CNBD1: variants seen among roughly 807,000 people sequenced by gnomAD.
CNBD1 encodes cyclic nucleotide-binding domain-containing protein 1.
CNBD1 carries 71 observed loss-of-function variants against 54.4 expected under a neutral mutation model. That is an observed-to-expected ratio of 1.30 (90% CI 1.08 to 1.59). CNBD1 has a LOEUF of 1.59. Among genes scored for constraint, CNBD1 ranks in the 40% most tolerant of loss-of-function variants. The probability of loss-of-function intolerance (pLI) is 0.00; values close to 1 mark genes in which losing one functional copy is unlikely to be tolerated. For synonymous variants in CNBD1, 182 were observed against 170.7 expected (o/e 1.07, Z -0.51); for missense variants, 659 against 518.0 (o/e 1.27, Z -2.64).
chr8:86,960,065 T>G (rs916886078), intron 4 of CNBD1, among the ~76,000 whole-genome samples: 1 of 152,160 alleles, frequency 6.6e-6, no homozygotes, highest in Non-Finnish European at 1.5e-5. Flanking sequence ...CAGCTCCCAG[T>G]GTAAGCAATG....
chr8:87,298,583 C>T (rs188051819), intron 8 of CNBD1, among the ~76,000 whole-genome samples: 20 of 150,076 alleles, frequency 1.3e-4, no homozygotes, highest in Admixed American at 9.4e-4. Context: ...CTCCCGGGTT[C>T]AAGTCATTAT....
intron 10 of CNBD1, among the ~76,000 whole-genome samples, chr8:87,366,746 T>A (rs1241940377): frequency 6.6e-6 from 1 of 152,020 alleles, no homozygotes; most frequent in Non-Finnish European, 1.5e-5. Context: ...TCCACTGCCA[T>A]CCCTAAGCTT....
At chr8:86,931,528 G>A (rs531852478) in intron 3 of CNBD1, among the ~76,000 whole-genome samples, 7 of 152,200 alleles carry the variant, frequency 4.6e-5, no homozygotes, top group Admixed American at 1.3e-4. Flanking sequence ...GCCCTACTAG[G>A]TGATTGGCCT....
chr8:87,046,355 C>A (rs534284256), intron 4 of CNBD1, among the ~76,000 whole-genome samples: 1 of 152,254 alleles, frequency 6.6e-6, no homozygotes, highest in Admixed American at 6.5e-5. Flanking sequence ...TCAGTTAGAT[C>A]TCCATACCAT....
At chr8:87,020,411 C>A (rs182471545) in intron 4 of CNBD1, among the ~76,000 whole-genome samples, 4 of 152,228 alleles carry the variant, frequency 2.6e-5, no homozygotes, top group African/African-American at 4.8e-5. Flanking sequence ...AAATCAAACA[C>A]CCCTAGGAAT....
At chr8:87,069,226 G>A (rs1810714058) in intron 4 of CNBD1, among the ~76,000 whole-genome samples, 2 of 151,940 alleles carry the variant, frequency 1.3e-5, no homozygotes, top group Non-Finnish European at 2.9e-5. Flanking sequence ...TGCCTCTGCT[G>A]TTGTTACTGT....
chr8:87,178,901 G>A (rs991247810), intron 4 of CNBD1, among the ~76,000 whole-genome samples: 2 of 151,630 alleles, frequency 1.3e-5, no homozygotes, highest in African/African-American at 4.9e-5. Context: ...AATAGCTTTT[G>A]CTTGTTTGTT....
intron 6 of CNBD1, among the ~76,000 whole-genome samples, chr8:87,281,507 AT>A (rs1413761989): frequency 7.4e-6 from 1 of 135,072 alleles, no homozygotes; most frequent in Non-Finnish European, 1.6e-5. Context: ...ACTATCTACT[AT>A]TTGTTTTTTT....
intron 4 of CNBD1, among the ~76,000 whole-genome samples, chr8:86,953,888 G>A (rs948107753): frequency 3.3e-5 from 5 of 152,058 alleles, no homozygotes; most frequent in Non-Finnish European, 7.4e-5. Context: ...AAAATCCTAT[G>A]TAACTAAACA....
chr8:87,148,333 A>G lies in CNBD1; in HGVS notation c.432-57660A>G, dbSNP rs556483972. Among the ~76,000 whole-genome samples, 3 of 152,308 alleles carry G rather than the reference A, an allele frequency of 2.0e-5. No individual in the cohort carries two copies. The South Asian group carries it at 6.2e-4, about 32-fold the overall frequency. ...GATGGCGTGATTTGTCATTAAATTA[A>G]TTGGAACTACTATATGTTGAACTTG... On this transcript the variant is annotated intron_variant, in intron 4 of 10. Coordinates refer to ENST00000518476, the MANE Select transcript of CNBD1 (RefSeq NM_173538.3).
chr8:87,414,322 T>A (rs1008606245), intron 2 of CNBD1, among the ~76,000 whole-genome samples: 2 of 151,822 alleles, frequency 1.3e-5, no homozygotes, highest in East Asian at 1.9e-4. Flanking sequence ...AATTGAACAA[T>A]GAGAACCCAT....
intron 4 of CNBD1, among the ~76,000 whole-genome samples, chr8:87,188,183 G>A (rs778096878): frequency 4.6e-5 from 7 of 152,016 alleles, no homozygotes; most frequent in Non-Finnish European, 7.4e-5. Flanking sequence ...CATACACCAC[G>A]ATCTCTGGGA....
At chr8:87,346,978 A>G (rs1484757395) in intron 8 of CNBD1, among the ~76,000 whole-genome samples, 1 of 152,120 alleles carries the variant, frequency 6.6e-6, no homozygotes, top group Non-Finnish European at 1.5e-5. Flanking sequence ...CAGGACCAAG[A>G]GAGGAAAATA....
intron 5 of CNBD1, among the ~76,000 whole-genome samples, chr8:87,227,973 C>T (rs1046753459): frequency 8.6e-5 from 13 of 150,618 alleles, no homozygotes; most frequent in East Asian, 3.9e-4. Flanking sequence ...CTTCCCTTCT[C>T]GCTTCATTTC....
At chr8:86,941,214 T>C (rs368271896) in intron 4 of CNBD1, among the ~76,000 whole-genome samples, 17 of 152,286 alleles carry the variant, frequency 1.1e-4, no homozygotes, top group South Asian at 6.2e-4. Flanking sequence ...GAGGGAATTA[T>C]AGAAGGAAAT....
In CNBD1 at chr8:87,053,439, G is replaced by T. The variant is rs186473232; in HGVS notation, c.431+113685G>T. ...TTGAGAGGAGTGCAGGCTGAGGATGGTTTTTTACCCATCTAGAAAGAGAAA... is the reference window on the plus strand; with the variant it reads ...TTGAGAGGAGTGCAGGCTGAGGATGTTTTTTTACCCATCTAGAAAGAGAAA... On this transcript the variant is annotated intron_variant, in intron 4 of 10. Transcript: ENST00000518476. 5.3e-5 allele frequency among the ~76,000 whole-genome samples: 8 copies of T among 152,268 alleles called. No individual in the cohort carries two copies. In the East Asian group the frequency reaches 1.4e-3, roughly 26 times the overall value.
chr8:87,385,568 G>A (rs1811165949), downstream of CNBD1, among the ~76,000 whole-genome samples: 1 of 152,122 alleles, frequency 6.6e-6, no homozygotes, highest in Admixed American at 6.6e-5. Context: ...TGAGGCTGGG[G>A]GAGGGGCGCC....
intron 10 of CNBD1, among the ~76,000 whole-genome samples, chr8:87,379,103 G>C (rs1254157409): frequency 2.0e-5 from 3 of 151,440 alleles, no homozygotes; most frequent in Non-Finnish European, 4.4e-5. Flanking sequence ...TCTGCAAACA[G>C]GGACAATTTG....
In CNBD1 at chr8:86,940,132, C is replaced by CTTTTTTTTTTTTTTTTTTTTT. The variant is rs10671983; in HGVS notation, c.431+397_431+398insTTTTTTTTTTTTTTTTTTTTT. ...CTTTAAATAAACTTACCACATGTTA[C>CTTTTTTTTTTTTTTTTTTTTT]TTTTTTTTTTTTTTTTTTTGAGACT... On this transcript the variant is annotated intron_variant, in intron 4 of 10. Coordinates refer to ENST00000518476, the MANE Select transcript of CNBD1 (RefSeq NM_173538.3). Among the ~76,000 whole-genome samples the CTTTTTTTTTTTTTTTTTTTTT allele has an allele frequency of 2.4e-4, 21 of 88,732 alleles. 3 individuals are homozygous for CTTTTTTTTTTTTTTTTTTTTT. Among genetic ancestry groups the CTTTTTTTTTTTTTTTTTTTTT allele is most frequent in the South Asian group, 8.0e-4 (2 of 2,500 alleles). The allele number at this position is 88,732 out of a possible 152,430, so 58.2% of individuals were successfully genotyped here. A position where few individuals can be genotyped will look rare whatever the true frequency, so the allele number is the denominator to read the frequency against.
Sources: gnomAD v4.1 joint callset for allele counts (sites outside exome capture counted in the v4.1 genomes callset) on GRCh38, gnomAD v4.1.1 for gene constraint, MANE v1.5 for transcripts, NCBI Gene and HGNC (gene_info 2026-07-23, HGNC 2026-07-21) for gene names.